Variants in SPP1 observed in about 807,000 individuals in gnomAD.
The protein encoded by SPP1 is osteopontin.
SPP1 carries 18 observed loss-of-function variants against 20.8 expected under a neutral mutation model. That is an observed-to-expected ratio of 0.87 (90% CI 0.60 to 1.29). The LOEUF (loss-of-function observed/expected upper bound fraction) is 1.29, where lower values mean the gene tolerates loss of function less well. Ranked by LOEUF, SPP1 falls within the 50% of genes most tolerant of loss-of-function variation. SPP1 has a pLI of 0.00. For missense variants in SPP1, 363 were observed against 389.0 expected, an observed-to-expected ratio of 0.93 and a Z score of 0.56; for synonymous variants, 146 against 141.5, an observed-to-expected ratio of 1.03 and a Z score of -0.23.
rs763811954 is a variant in SPP1 at position 87,976,961 on chromosome 4, T to A, written c.54+12T>A. On this transcript the variant is annotated intron_variant, in intron 2 of 6. Transcript: ENST00000395080. ...CCTGTGCCATACCAGTGAGTACAGT[T>A]GCATCTTAAAGAAAATTCCTGAAAA... 4.6e-5 allele frequency: 74 copies of A among 1,613,626 alleles called. No individual in the cohort carries two copies. The Admixed American group carries it at 1.2e-3, about 25-fold the overall frequency.
In SPP1 at chr4:87,977,280, A is replaced by G. The variant is rs147576786; in HGVS notation, c.93+183A>G. Among the ~76,000 whole-genome samples the G allele has an allele frequency of 2.4e-3, 373 of 152,346 alleles. 2 individuals are homozygous for G. Among genetic ancestry groups the G allele is most frequent in the South Asian group, 0.013 (62 of 4,832 alleles). On this transcript the variant is annotated intron_variant, in intron 3 of 6. Transcript: ENST00000395080. Reference sequence around the variant, plus strand: ...AAGCACAGTATAGTTTTTAATAAATATAAGTTTATAAAACCAACCCAGATA... The same window carrying G: ...AAGCACAGTATAGTTTTTAATAAATGTAAGTTTATAAAACCAACCCAGATA...
rs147388761 is a variant in SPP1, at chr4:87,977,086, G to A, written c.82G>A (p.Glu28Lys). The stretch of plus-strand genomic sequence containing the variant: ...TAAACAGGCTGATTCTGGAAGTTCT[G>A]AGGAAAAGCAGGTAAGCATCTTTTA... ...PVKQADSGSS[E>K]EKQLYNKYPD... The change falls in exon 3 of 7, where the codon GAG becomes AAG. Residue 28 changes from glutamate (E) to lysine (K), a missense_variant. Glu to Lys is a moderately conservative substitution (Grantham distance 56). Transcript: ENST00000395080. 62 of 1,613,642 alleles carry A rather than the reference G, an allele frequency of 3.8e-5. No individual in the cohort carries two copies. Among genetic ancestry groups the A allele is most frequent in the Admixed American group, 3.7e-4 (22 of 60,000 alleles).
chr4:87,980,184 C>A, intron 4 of SPP1, 58 bp downstream of exon 4: 1 of 1,589,428 alleles, frequency 6.3e-7, no homozygotes, highest in Non-Finnish European at 8.6e-7. Context: ...ACACTCAGGC[C>A]ATTTGGGCTG....
chr4:87,982,375 C>A, intron 6 of SPP1, 117 bp from the exon 7 acceptor site: 2 of 1,257,010 alleles, frequency 1.6e-6, no homozygotes, highest in Non-Finnish European at 2.2e-6. Context: ...ATTATTTCAG[C>A]CAGATTTAGA....
intron 5 of SPP1, among the ~76,000 whole-genome samples, chr4:87,980,942 A>G (rs752095555): frequency 1.1e-4 from 16 of 152,198 alleles, no homozygotes; most frequent in Non-Finnish European, 2.1e-4. Flanking sequence ...TTTGATAGAC[A>G]TTAGTTGTTT....
intron 3 of SPP1, among the ~76,000 whole-genome samples, chr4:87,978,662 G>A (rs182335713): frequency 4.1e-4 from 62 of 152,216 alleles, no homozygotes; most frequent in African/African-American, 1.4e-3. Context: ...GATTACAGGC[G>A]TGAGCCACTG....
rs41497449 is a variant in SPP1, at chr4:87,975,728, G to A, written c.-87G>A. The A allele has an allele frequency of 0.011, 1,697 of 153,614 alleles. 41 individuals carry two copies. The highest frequency in any genetic ancestry group is 0.039 in the African/African-American group (1,606 of 41,570). The allele number at this position is 153,614 out of a possible 1,614,324, so 9.5% of individuals were successfully genotyped here. ...TGGTTGTCAGCAGCAGCAGGAGGAG[G>A]CAGAGCACAGCATCGTCGGGACCAG... On this transcript the variant is annotated 5_prime_UTR_variant, in exon 1 of 7. Transcript: ENST00000395080.
At position 87,976,952 on chromosome 4, in the gene SPP1, G is replaced by A. The variant is rs1725403456; in HGVS notation, c.54+3G>A. The A allele has an allele frequency of 6.2e-7, 1 of 1,613,584 alleles. No individual in the cohort carries two copies. The highest frequency in any genetic ancestry group is 8.5e-7 in the Non-Finnish European group (1 of 1,179,520). On this transcript the variant is annotated splice_donor_region_variant and intron_variant, in intron 2 of 6. Transcript: ENST00000395080. Reference sequence around the variant, plus strand: ...TAGGCATCACCTGTGCCATACCAGTGAGTACAGTTGCATCTTAAAGAAAAT... The same window carrying A: ...TAGGCATCACCTGTGCCATACCAGTAAGTACAGTTGCATCTTAAAGAAAAT...
In SPP1 at chr4:87,982,934, C is replaced by G. The variant is rs555655081; in HGVS notation, c.*38C>G. The G allele has an allele frequency of 6.5e-7, 1 of 1,535,298 alleles. No homozygotes were observed. Among genetic ancestry groups the G allele is most frequent in the Non-Finnish European group, 8.7e-7 (1 of 1,144,606 alleles). On this transcript the variant is annotated 3_prime_UTR_variant, in exon 7 of 7. Transcript: ENST00000395080. ...TACAATTTCTCACTTTGCATTTAGT[C>G]AAAAGAAAAAATGCTTTATAGCAAA...
chr4:87,976,659 T>A (rs1056168109), intron 1 of SPP1, among the ~76,000 whole-genome samples: 2 of 152,204 alleles, frequency 1.3e-5, no homozygotes, highest in Non-Finnish European at 2.9e-5. Context: ...CTTGCAAAAT[T>A]TCCCTTTCCC....
intron 1 of SPP1, among the ~76,000 whole-genome samples, chr4:87,976,146 C>T (rs754039770): frequency 1.4e-5 from 2 of 144,096 alleles, no homozygotes; most frequent in Non-Finnish European, 2.9e-5. Context: ...GAAAAGGGAT[C>T]TTTTATGCTA....
At chr4:87,977,569 T>C in intron 3 of SPP1, 1 of 784,332 alleles carries the variant, frequency 1.3e-6, no homozygotes, top group Non-Finnish European at 1.6e-6. Context: ...ATGTGTGCTG[T>C]TTGTATCTAT....
At chr4:87,978,247 A>C (rs1200808572) in intron 3 of SPP1, among the ~76,000 whole-genome samples, 1 of 152,108 alleles carries the variant, frequency 6.6e-6, no homozygotes, top group Non-Finnish European at 1.5e-5. Context: ...TCTTCATATT[A>C]GTTTTTAAAA....
At chr4:87,982,440 T>C in intron 6 of SPP1, 52 bp from the exon 7 acceptor site, 1 of 1,574,250 alleles carries the variant, frequency 6.4e-7, no homozygotes, top group Non-Finnish European at 8.6e-7. Flanking sequence ...GATTACCATA[T>C]TCCCATCCCT....
intron 3 of SPP1, among the ~76,000 whole-genome samples, 189 bp downstream of exon 3, chr4:87,977,286 T>A (rs745330222): frequency 1.1e-4 from 16 of 152,200 alleles, no homozygotes; most frequent in South Asian, 2.1e-4. Context: ...AAATATAAGT[T>A]TATAAAACCA....
At chr4:87,976,152 T>C (rs1725369553) in intron 1 of SPP1, among the ~76,000 whole-genome samples, 1 of 152,200 alleles carries the variant, frequency 6.6e-6, no homozygotes, top group Non-Finnish European at 1.5e-5. Flanking sequence ...GGATCTTTTA[T>C]GCTAATTAAA....
chr4:87,983,034 A>G lies in SPP1; in HGVS notation c.*138A>G, dbSNP rs1126772. 174,527 of 884,880 alleles carry G rather than the reference A, an allele frequency of 0.2. 18,996 individuals carry two copies. The highest frequency in any genetic ancestry group is 0.31 in the East Asian group (11,650 of 37,096). 54.8% of individuals were successfully genotyped at this position (884,880 alleles called of 1,614,324 possible). ...TATCTATTTGAGTCTGGAAATAACTAATGTGTTTGATAATTAGTTTAGTTT... is the reference window on the plus strand; with the variant it reads ...TATCTATTTGAGTCTGGAAATAACTGATGTGTTTGATAATTAGTTTAGTTT... On this transcript the variant is annotated 3_prime_UTR_variant, in exon 7 of 7. Coordinates refer to ENST00000395080, the MANE Select transcript of SPP1 (RefSeq NM_001040058.2).
intron 3 of SPP1, among the ~76,000 whole-genome samples, chr4:87,977,374 T>C (rs1725422911): frequency 6.6e-6 from 1 of 152,246 alleles, no homozygotes; most frequent in Admixed American, 6.5e-5. Flanking sequence ...TATGAAGTTG[T>C]GTGACTTTTT....
At chr4:87,978,401 T>C (rs1725487905) in intron 3 of SPP1, among the ~76,000 whole-genome samples, 1 of 143,214 alleles carries the variant, frequency 7.0e-6, no homozygotes, top group African/African-American at 2.6e-5. Flanking sequence ...TTTTTTTTTT[T>C]TTTTTTTTTT....
Sources: gnomAD v4.1 joint callset for allele counts (sites outside exome capture counted in the v4.1 genomes callset) on GRCh38, gnomAD v4.1.1 for gene constraint, MANE v1.5 for transcripts, NCBI Gene and HGNC (gene_info 2026-07-23, HGNC 2026-07-21) for gene names.